The following VNN2 variants were observed in gnomAD, a reference collection of about 807,000 sequenced individuals.
The protein encoded by VNN2 is pantetheine hydrolase VNN2.
Under a neutral mutation model 43.0 loss-of-function variants are expected in VNN2, and 43 were observed. The ratio of observed to expected loss-of-function variants is 1.00; its 90% CI spans 0.78 to 1.29. The LOEUF is 1.29. VNN2 is among the 50% of genes most tolerant of loss of function. VNN2 has a pLI of 0.00. For synonymous variants in VNN2, 230 were observed against 224.3 expected (o/e 1.03, Z -0.23); for missense variants, 652 against 619.7 (o/e 1.05, Z -0.55).
intron 5 of VNN2, among the ~76,000 whole-genome samples, chr6:132,750,513 A>ATATATATATATATATAT (rs201643856): frequency 1.3e-5 from 1 of 78,516 alleles, no homozygotes; most frequent in Admixed American, 1.4e-4. Flanking sequence ...ATATATATAT[A>ATATATATATATATATAT]TTTTTCCAGG....
chr6:132,752,712 T>C lies in VNN2; in HGVS notation c.575A>G (p.Glu192Gly), dbSNP rs914392779. ...LYSEPQFNVPEKPELVTFNTA... is the reference protein window; with the variant it reads ...LYSEPQFNVPGKPELVTFNTA... ...GTTGAAAGTCACCAACTCCGGCTTT[T>C]CAGGGACATTAAACTGAGGCTCAGA... The change falls in exon 4 of 7, where the codon GAA (glutamate) becomes GGA (glycine). Residue 192 changes from glutamate (E) to glycine (G), a missense_variant. Glu to Gly is a moderately conservative substitution (Grantham distance 98, BLOSUM62 -2). Coordinates refer to ENST00000326499, the MANE Select transcript of VNN2 (RefSeq NM_004665.6). 1 of 1,613,986 alleles carries C rather than the reference T, an allele frequency of 6.2e-7. No homozygotes were observed. The highest frequency in any genetic ancestry group is 1.3e-5 in the African/African-American group (1 of 74,904).
At chr6:132,755,291 A>C (rs1352336592) in intron 3 of VNN2, among the ~76,000 whole-genome samples, 1 of 97,310 alleles carries the variant, frequency 1.0e-5, no homozygotes, top group Non-Finnish European at 1.9e-5. Context: ...CCATCATGCT[A>C]CTTTTTTTTT....
At chr6:132,758,053 T>TA (rs1780613470), upstream of VNN2, 6 of 533,984 alleles carry the variant, frequency 1.1e-5, no homozygotes, top group Admixed American at 4.4e-5. Flanking sequence ...TTTTTTTTTT[T>TA]TTTTTTTTTT....
chr6:132,761,373 T>C (rs1327298459), upstream of VNN2, among the ~76,000 whole-genome samples: 1 of 144,002 alleles, frequency 6.9e-6, no homozygotes, highest in East Asian at 2.0e-4. Context: ...AAAAAAACAG[T>C]ATTGGGGTGG....
chr6:132,753,369 G>A (rs916481021), intron 3 of VNN2: 2 of 385,872 alleles, frequency 5.2e-6, no homozygotes, highest in Non-Finnish European at 1.0e-5. Flanking sequence ...ATTCTTCTTT[G>A]AATCCTTGGT....
chr6:132,758,726 C>T (rs1297260649), upstream of VNN2, among the ~76,000 whole-genome samples: 1 of 151,994 alleles, frequency 6.6e-6, no homozygotes, highest in African/African-American at 2.4e-5. Flanking sequence ...CAAAATTTAC[C>T]CAAATCTACA....
At chr6:132,750,001 T>A in intron 5 of VNN2, 136 bp from the exon 6 acceptor site, 1 of 794,152 alleles carries the variant, frequency 1.3e-6, no homozygotes, top group Non-Finnish European at 1.8e-6. Flanking sequence ...ATGTGTCTTA[T>A]AATTAACTGC....
chr6:132,745,750 C>G (rs1779678572), intron 6 of VNN2, among the ~76,000 whole-genome samples: 1 of 152,086 alleles, frequency 6.6e-6, no homozygotes, highest in African/African-American at 2.4e-5. Context: ...TAGCCTGAAG[C>G]CACAGTGGAG....
Position 132,757,477 on chromosome 6 carries a change from G to A in VNN2, c.283C>T (p.Pro95Ser), listed in dbSNP as rs1780546928. 6 of 1,613,756 alleles carry A rather than the reference G, an allele frequency of 3.7e-6. No homozygotes were observed. Among genetic ancestry groups the A allele is most frequent in the Non-Finnish European group, 5.1e-6 (6 of 1,179,872 alleles). ...GGGTCTGGGATATCCTCCAGATAAG[G>A]GAAAACAGTTTCCCTGGTAAATTTC... The part of the protein sequence containing the change: ...GWKFTRETVF[P>S]YLEDIPDPQV... The change falls in exon 2 of 7, where the codon CCT becomes TCT. Residue 95 changes from proline to serine, a missense_variant. Physicochemically the swap from Pro to Ser is moderately conservative, Grantham distance 74. Transcript: ENST00000326499.
chr6:132,759,123 TAAC>T (rs1221143664), upstream of VNN2, among the ~76,000 whole-genome samples: 1 of 152,016 alleles, frequency 6.6e-6, no homozygotes, highest in Non-Finnish European at 1.5e-5. Flanking sequence ...TAGCAGCAAA[TAAC>T]AACAATGAGT....
At chr6:132,758,865 A>G (rs1403577593), upstream of VNN2, among the ~76,000 whole-genome samples, 1 of 151,928 alleles carries the variant, frequency 6.6e-6, no homozygotes, top group Non-Finnish European at 1.5e-5. Flanking sequence ...CCTAGGCCAG[A>G]GGAGGAATCT....
At position 132,751,451 on chromosome 6, in the gene VNN2, T is replaced by C. The variant is rs1472086236; in HGVS notation, c.894A>G (p.Lys298=). Reference sequence around the variant, plus strand: ...GTGAATCCACCTCTGAAAGGAGAAGTTTTCCCAACTCTGTCTTCATGTCAT... The same window carrying C: ...GTGAATCCACCTCTGAAAGGAGAAGCTTTCCCAACTCTGTCTTCATGTCAT... The part of the protein sequence containing the change: ...YHYDMKTELG[K]LLLSEVDSHP... Residue 298 remains lysine (K), a synonymous_variant, in exon 5 of 7, where the codon AAA becomes AAG. Transcript: ENST00000326499. The C allele has an allele frequency of 2.6e-5, 42 of 1,614,044 alleles. No individual in the cohort carries two copies. Among genetic ancestry groups the C allele is most frequent in the Non-Finnish European group, 3.3e-5 (39 of 1,180,002 alleles).
At chr6:132,755,292 C>CCT (rs1562250088) in intron 3 of VNN2, among the ~76,000 whole-genome samples, 1 of 141,390 alleles carries the variant, frequency 7.1e-6, no homozygotes, top group African/African-American at 2.6e-5. Flanking sequence ...CATCATGCTA[C>CCT]TTTTTTTTTT....
At chr6:132,761,172 A>C (rs1780729456), upstream of VNN2, among the ~76,000 whole-genome samples, 1 of 152,174 alleles carries the variant, frequency 6.6e-6, no homozygotes, top group Non-Finnish European at 1.5e-5. Flanking sequence ...GTAAAGATTA[A>C]AATTTTTAGT....
chr6:132,755,660 C>T (rs1780417993), intron 3 of VNN2, among the ~76,000 whole-genome samples, 183 bp downstream of exon 3: 1 of 152,122 alleles, frequency 6.6e-6, no homozygotes, highest in Non-Finnish European at 1.5e-5. Context: ...CAGGCATAAG[C>T]CTCCACGCCC....
chr6:132,762,570 G>A (rs547033416), upstream of VNN2, among the ~76,000 whole-genome samples: 1 of 152,274 alleles, frequency 6.6e-6, no homozygotes, highest in South Asian at 2.1e-4. Context: ...CCCTGTAAAA[G>A]GCAAGGTTGC....
chr6:132,756,066 T>C, intron 2 of VNN2, 31 bp from the exon 3 acceptor site: 11 of 1,498,870 alleles, frequency 7.3e-6, no homozygotes, highest in Non-Finnish European at 9.8e-6. Context: ...GAAATTTCAA[T>C]TTTAAAAAAA....
At chr6:132,752,436 GA>G (rs1391017609) in intron 4 of VNN2, 24 bp downstream of exon 4, 2 of 1,585,676 alleles carry the variant, frequency 1.3e-6, no homozygotes, top group Admixed American at 3.6e-5. Context: ...AATATAAGAT[GA>G]AACCTAACCT....
intron 6 of VNN2, 42 bp from the exon 7 acceptor site, chr6:132,744,533 T>G (rs34815843): frequency 3.9e-6 from 6 of 1,526,980 alleles, no homozygotes; most frequent in Non-Finnish European, 5.3e-6. Context: ...TTTCTTAACA[T>G]AGAAGTTAAA....
Sources: gnomAD v4.1 joint callset for allele counts (sites outside exome capture counted in the v4.1 genomes callset) on GRCh38, gnomAD v4.1.1 for gene constraint, MANE v1.5 for transcripts, NCBI Gene and HGNC (gene_info 2026-07-23, HGNC 2026-07-21) for gene names.